Variants in TTN observed in about 807,000 individuals in gnomAD.
The protein encoded by TTN is connectin.
Under a neutral mutation model 3,223.0 loss-of-function variants are expected in TTN, and 1,525 were observed. That is an observed-to-expected ratio of 0.47 (90% CI 0.45 to 0.49). TTN has a LOEUF of 0.49. TTN is among the 20% of genes least tolerant of loss of function. The pLI is 0.00. For synonymous variants in TTN, 14,094 were observed against 15,161.0 expected (o/e 0.93, Z 5.17); for missense variants, 40,786 against 43,424.0 (o/e 0.94, Z 5.40).
Position 178,801,565 on chromosome 2 carries a change from T to G in TTN, c.295+573A>C, listed in dbSNP as rs532799607. On this transcript the variant is annotated intron_variant, in intron 3 of 362. Coordinates refer to ENST00000589042, the MANE Select transcript of TTN (RefSeq NM_001267550.2). Reference sequence around the variant, plus strand: ...ATAAAACATGTAAAGGCATGCAATATTCTGTATACTAATGTCTCACTAGGT... The same window carrying G: ...ATAAAACATGTAAAGGCATGCAATAGTCTGTATACTAATGTCTCACTAGGT... 1.2e-4 allele frequency among the ~76,000 whole-genome samples: 18 copies of G among 152,316 alleles called. No homozygotes were observed. The South Asian group carries it at 2.5e-3, about 21-fold the overall frequency.
Position 178,753,151 on chromosome 2 carries a change from C to T in TTN, c.11284G>A (p.Glu3762Lys). 1 of 1,609,380 alleles carries T rather than the reference C, an allele frequency of 6.2e-7. No individual in the cohort carries two copies. The highest frequency in any genetic ancestry group is 8.5e-7 in the Non-Finnish European group (1 of 1,177,364). The part of the protein sequence containing the change: ...APESILHERI[E>K]QEIEMEMKEF... ...TTCATTTCCATCTCAATCTCTTGTT[C>T]AATCCTCTCATGCAAAATTGATTCA... Residue 3762 changes from glutamate (E) to lysine (K), a missense_variant, in exon 47 of 363, where the codon GAA (glutamate) becomes AAA (lysine). Glu to Lys is a moderately conservative substitution (Grantham distance 56). Transcript: ENST00000589042.
At chr2:178,802,084 T>C in intron 3 of TTN, 54 bp downstream of exon 3, 5 of 1,610,440 alleles carry the variant, frequency 3.1e-6, no homozygotes, top group Non-Finnish European at 4.2e-6. Context: ...TTTCCCAATT[T>C]GCTGGAGATG....
rs747738228 is a variant in TTN, at chr2:178,568,476, C to A, written c.77656G>T (p.Val25886Leu). Residue 25886 changes from valine to leucine, a missense_variant, in exon 326 of 363, where the codon GTA becomes TTA. Val to Leu is a conservative substitution (Grantham distance 32). Coordinates refer to ENST00000589042, the MANE Select transcript of TTN (RefSeq NM_001267550.2). Reference protein sequence around the residue: ...VGQKTASIEIVTLDKPDPPKG... With the variant: ...VGQKTASIEILTLDKPDPPKG... ...GGAGGATCAGGTTTATCTAGAGTTA[C>A]AATTTCGATGGATGCTGTCTTCTGA... 7 of 1,613,366 alleles carry A rather than the reference C, an allele frequency of 4.3e-6. No homozygotes were observed. The South Asian group carries it at 6.6e-5, about 15-fold the overall frequency.
intron 250 of TTN, 152 bp downstream of exon 250, chr2:178,619,469 C>G (rs2057937267): frequency 6.7e-6 from 6 of 900,546 alleles, no homozygotes; most frequent in Non-Finnish European, 8.3e-6. Context: ...AAGACACTTA[C>G]TTTGTAGTGA....
chr2:178,755,318 T>C lies in TTN; in HGVS notation c.11254+904A>G, dbSNP rs1178694872. On this transcript the variant is annotated intron_variant, in intron 46 of 362. Coordinates refer to ENST00000589042, the MANE Select transcript of TTN (RefSeq NM_001267550.2). ...TTGTGATCTTGCCATGAGAAAATTA[T>C]ACAATTCCAGGAGGATTTTAAGCCT... 1.1e-4 allele frequency among the ~76,000 whole-genome samples: 16 copies of C among 152,338 alleles called. No individual in the cohort carries two copies. In the East Asian group the frequency reaches 2.1e-3, roughly 20 times the overall value.
In TTN at chr2:178,542,384, T is replaced by C. The variant is rs1362121048; in HGVS notation, c.97372A>G (p.Thr32458Ala). 1 of 1,613,644 alleles carries C rather than the reference T, an allele frequency of 6.2e-7. No individual in the cohort carries two copies. The highest frequency in any genetic ancestry group is 2.2e-5 in the East Asian group (1 of 44,806). ...LPVSESVTRSTFKFTRLTEGN... is the reference protein window; with the variant it reads ...LPVSESVTRSAFKFTRLTEGN... ...TCGGTGAGTCTGGTAAACTTAAACG[T>C]GGACCTAGTCACTGATTCAGAAACG... The change falls in exon 349 of 363, where the codon ACG becomes GCG. Residue 32458 changes from threonine to alanine, a missense_variant. Transcript: ENST00000589042.
rs1553920950 is a variant in TTN at position 178,729,420 on chromosome 2, T to C, written c.18736A>G (p.Thr6246Ala). 1.9e-6 allele frequency: 3 copies of C among 1,613,644 alleles called. No homozygotes were observed. The highest frequency in any genetic ancestry group is 2.5e-6 in the Non-Finnish European group (3 of 1,179,672). The change falls in exon 64 of 363, where the codon ACA (threonine) becomes GCA (alanine). Residue 6246 changes from threonine to alanine, a missense_variant. Coordinates refer to ENST00000589042, the MANE Select transcript of TTN (RefSeq NM_001267550.2). ...NREIRSSKKY[T>A]LTDRVSVFNL... is the part of the protein sequence containing the mutation. ...AACACAGACACTCTGTCGGTCAATGTGTATTTTTTGCTGCTTCGAATTTCC... is the reference window on the plus strand; with the variant it reads ...AACACAGACACTCTGTCGGTCAATGCGTATTTTTTGCTGCTTCGAATTTCC...
intron 17 of TTN, among the ~76,000 whole-genome samples, chr2:178,783,302 A>G (rs1233018684): frequency 6.6e-6 from 1 of 152,330 alleles, no homozygotes; most frequent in South Asian, 2.1e-4. Flanking sequence ...TTGCCATGGT[A>G]TCACCAACTG....
Position 178,773,866 on chromosome 2 carries a change from G to A in TTN, c.7302C>T (p.Leu2434=). 1 of 1,614,106 alleles carries A rather than the reference G, an allele frequency of 6.2e-7. No homozygotes were observed. The part of the protein sequence containing the change: ...NYSFTIPALG[L]STSGRVSVYS... Reference sequence around the variant, plus strand: ...AGACAGAGACACGCCCACTGGTGGAGAGGCCAAGGGCTGGAATGGTGAAAG... The same window carrying A: ...AGACAGAGACACGCCCACTGGTGGAAAGGCCAAGGGCTGGAATGGTGAAAG... Residue 2434 remains leucine (L), a synonymous_variant, in exon 31 of 363, where the codon CTC becomes CTT. Transcript: ENST00000589042.
Position 178,621,206 on chromosome 2 carries a change from C to A in TTN, c.45512G>T (p.Gly15171Val). 1 of 1,612,480 alleles carries A rather than the reference C, an allele frequency of 6.2e-7. No individual in the cohort carries two copies. The highest frequency in any genetic ancestry group is 8.5e-7 in the Non-Finnish European group (1 of 1,179,204). The change falls in exon 246 of 363, where the codon GGT becomes GTT. Residue 15171 changes from glycine to valine, a missense_variant. Transcript: ENST00000589042. ...SGDKYDVIAD[G>V]KKRVLVVKDA... ...TTTCACAACTAGGACCCTCTTTTTA[C>A]CATCAGCAATAACGTCATATTTATC...
intron 64 of TTN, 52 bp from the exon 65 acceptor site, chr2:178,729,221 C>A (rs1578133374): frequency 6.5e-7 from 1 of 1,549,598 alleles, no homozygotes; most frequent in East Asian, 2.3e-5. Context: ...TAACTCCTAC[C>A]CATAATGATA....
At chr2:178,675,336 C>A in intron 149 of TTN, 2 of 393,238 alleles carry the variant, frequency 5.1e-6, no homozygotes, top group Non-Finnish European at 8.8e-6. Flanking sequence ...ACTGCTGGAG[C>A]CTCTATTTCT....
intron 223 of TTN, among the ~76,000 whole-genome samples, chr2:178,638,405 T>A (rs1286261759): frequency 2.0e-5 from 3 of 151,386 alleles, no homozygotes; most frequent in Non-Finnish European, 4.4e-5. Flanking sequence ...AATAGTTTTA[T>A]TTATTGATTT....
At chr2:178,609,072 T>C in intron 273 of TTN, 136 bp downstream of exon 273, 1 of 1,282,596 alleles carries the variant, frequency 7.8e-7, no homozygotes, top group Non-Finnish European at 1.0e-6. Context: ...TTCTTTTACA[T>C]GGCCAGCAGA....
At position 178,608,243 on chromosome 2, in the gene TTN, T is replaced by C. The variant is rs2055401286; in HGVS notation, c.52640A>G (p.Glu17547Gly). The change falls in exon 275 of 363, where the codon GAA (glutamate) becomes GGA (glycine). Residue 17547 changes from glutamate to glycine, a missense_variant. By Grantham distance (98) the Glu-to-Gly change is moderately conservative. Transcript: ENST00000589042. ...GAACTTTCCAGGTCCAGCTGCATTT[T>C]CAGCACATACTCTGAAGACATAGGT... is the stretch of plus-strand genomic sequence containing the variant. The part of the protein sequence containing the change: ...GLTYVFRVCA[E>G]NAAGPGKFSP... 1 of 1,607,880 alleles carries C rather than the reference T, an allele frequency of 6.2e-7. No homozygotes were observed. Among genetic ancestry groups the C allele is most frequent in the African/African-American group, 1.3e-5 (1 of 74,720 alleles).
chr2:178,686,331 G>A (rs2070901136), intron 127 of TTN, among the ~76,000 whole-genome samples: 2 of 150,432 alleles, frequency 1.3e-5, no homozygotes, highest in African/African-American at 2.5e-5. Context: ...CGTTTTAGCC[G>A]GGATGGTCTC....
Position 178,531,504 on chromosome 2 carries a change from G to T in TTN, c.105111C>A (p.Thr35037=). 6.2e-7 allele frequency: 1 copy of T among 1,613,868 alleles called. No homozygotes were observed. Residue 35037 remains threonine (T), a synonymous_variant, in exon 358 of 363, where the codon ACC becomes ACA. Transcript: ENST00000589042. ...ATLDVTGGDY[T]TYASQRRDEE... ...CATCTCTGCGTTGGGAAGCATAGGT[G>T]GTATAATCCCCTCCTGTCACGTCCA...
intron 49 of TTN, 198 bp downstream of exon 49, chr2:178,737,884 G>A: frequency 1.9e-6 from 1 of 530,484 alleles, no homozygotes; most frequent in Non-Finnish European, 3.1e-6. Context: ...TTTTTTCTTT[G>A]GTCAGTAGTA....
rs1558973830 is a variant in TTN at position 178,529,103 on chromosome 2, T to C, written c.106648A>G (p.Ile35550Val). 1 of 1,612,196 alleles carries C rather than the reference T, an allele frequency of 6.2e-7. No homozygotes were observed. Among genetic ancestry groups the C allele is most frequent in the Non-Finnish European group, 8.5e-7 (1 of 1,179,160 alleles). Residue 35550 changes from isoleucine (I) to valine (V), a missense_variant, in exon 360 of 363, where the codon ATT becomes GTT. Coordinates refer to ENST00000589042, the MANE Select transcript of TTN (RefSeq NM_001267550.2). ...TGAGATTTTGCCTCTGACATCTTAA[T>C]TTCTTCAGACCTTAGGGCTTTTTGG... Reference protein sequence around the residue: ...ISQKALRSEEIKMSEAKSQEK... With the variant: ...ISQKALRSEEVKMSEAKSQEK...
Sources: gnomAD v4.1 joint callset for allele counts (sites outside exome capture counted in the v4.1 genomes callset) on GRCh38, gnomAD v4.1.1 for gene constraint, MANE v1.5 for transcripts, NCBI Gene and HGNC (gene_info 2026-07-23, HGNC 2026-07-21) for gene names.